MYPN: variants seen among roughly 807,000 people sequenced by gnomAD.
The protein encoded by MYPN is sarcomeric protein myopalladin, 145 kDa (MYOP).
MYPN carries 63 observed loss-of-function variants against 129.4 expected under a neutral mutation model. The observed-to-expected ratio is 0.49, with a 90% CI of 0.40 to 0.60. The LOEUF is 0.60. MYPN is among the 20% of genes least tolerant of loss of function. The pLI is 0.00. For synonymous variants in MYPN, 629 were observed against 600.9 expected (o/e 1.05, Z -0.68); for missense variants, 1,596 against 1,635.4 (o/e 0.98, Z 0.42).
chr10:68,142,639 G>A (rs974236256), intron 2 of MYPN, among the ~76,000 whole-genome samples: 2 of 152,172 alleles, frequency 1.3e-5, no homozygotes, highest in African/African-American at 2.4e-5. Flanking sequence ...TTTAGGAGAA[G>A]CCAAGTTCCA....
intron 12 of MYPN, among the ~76,000 whole-genome samples, chr10:68,187,370 A>G (rs1431913449): frequency 6.6e-6 from 1 of 151,830 alleles, no homozygotes; most frequent in Non-Finnish European, 1.5e-5. Flanking sequence ...GAAGTTTTAT[A>G]TAGTATACAA....
chr10:68,188,593 T>C (rs1049319550), intron 12 of MYPN, among the ~76,000 whole-genome samples: 1 of 152,176 alleles, frequency 6.6e-6, no homozygotes, highest in Non-Finnish European at 1.5e-5. Context: ...GTTTTCCATA[T>C]TGAAAGGAAC....
At chr10:68,106,791 A>T (rs1159854025), upstream of MYPN, 7 of 717,310 alleles carry the variant, frequency 9.8e-6, no homozygotes, top group Non-Finnish European at 1.6e-5. Flanking sequence ...ATTCCTGTGG[A>T]TCATCCCAAT....
upstream of MYPN, chr10:68,106,611 T>C (rs756309486): frequency 1.9e-5 from 13 of 701,382 alleles, no homozygotes; most frequent in South Asian, 7.5e-5. Flanking sequence ...GCAAAACTTA[T>C]TGAAGCTTTG....
Position 68,148,205 on chromosome 10 carries a change from C to T in MYPN, c.1131-148C>T, listed in dbSNP as rs1032336906. 4.4e-6 allele frequency: 3 copies of T among 685,758 alleles called. No individual in the cohort carries two copies. The Admixed American group carries it at 7.0e-5, about 16-fold the overall frequency. The allele number at this position is 685,758 out of a possible 1,614,324, so 42.5% of individuals were successfully genotyped here. On this transcript the variant is annotated intron_variant, in intron 4 of 19. Coordinates refer to ENST00000358913, the MANE Select transcript of MYPN (RefSeq NM_032578.4). ...CCTAACAAAATGTGTAGCAAAAATG[C>T]CCTTGGTCAACGTTTGTAAAATATC...
At chr10:68,199,637 A>T in intron 17 of MYPN, 62 bp downstream of exon 17, 4 of 1,524,132 alleles carry the variant, frequency 2.6e-6, no homozygotes, top group Non-Finnish European at 3.6e-6. Context: ...CCAAAGAGGC[A>T]GAGCCTCTGC....
chr10:68,207,046 T>C, intron 19 of MYPN, 143 bp downstream of exon 19: 1 of 1,014,148 alleles, frequency 9.9e-7, no homozygotes, highest in Non-Finnish European at 1.5e-6. Context: ...TCACCTGAGG[T>C]CAGGAGTTCA....
intron 12 of MYPN, among the ~76,000 whole-genome samples, chr10:68,183,294 A>G (rs781037786): frequency 3.0e-4 from 46 of 151,958 alleles, no homozygotes; most frequent in Non-Finnish European, 6.5e-4. Flanking sequence ...AACCCCATCT[A>G]CAAAAAATAC....
At chr10:68,166,734 A>T in intron 10 of MYPN, 68 bp downstream of exon 10, 1 of 1,589,534 alleles carries the variant, frequency 6.3e-7, no homozygotes, top group Non-Finnish European at 8.6e-7. Flanking sequence ...TCTCCTTAAA[A>T]GTAATGGAAC....
chr10:68,187,306 C>CA (rs55727861), intron 12 of MYPN, among the ~76,000 whole-genome samples: 58,512 of 135,340 alleles, frequency 0.43, 12,362 homozygotes, highest in Non-Finnish European at 0.5. Flanking sequence ...GACTCCATCT[C>CA]AAAAAAAAAA....
exon 1 of MYPN, among the ~76,000 whole-genome samples, chr10:68,087,956 A>C (rs981638258): frequency 6.6e-6 from 1 of 152,174 alleles, no homozygotes; most frequent in Non-Finnish European, 1.5e-5. Context: ...GGAACTACCC[A>C]ATGTAGCCTT....
chr10:68,122,056 AG>A lies in MYPN; in HGVS notation c.619del (p.Glu207LysfsTer18), dbSNP rs767033637. On this transcript the variant is annotated frameshift_variant, in exon 2 of 20. Coordinates refer to ENST00000358913, the MANE Select transcript of MYPN (RefSeq NM_032578.4). LOFTEE classifies it high-confidence loss of function. The part of the protein sequence containing the change: ...SSFSDLSERR[E>X]RSSVPIPIPA... ...GTTTCTCAGATCTGTCAGAAAGACG[AG>A]AAAGATCTTCTGTTCCCATCCCTAT... 1 of 1,614,218 alleles carries A rather than the reference AG, an allele frequency of 6.2e-7. No homozygotes were observed.
At chr10:68,106,492 A>G (rs1163782361), upstream of MYPN, 8 of 558,230 alleles carry the variant, frequency 1.4e-5, no homozygotes, top group Non-Finnish European at 2.6e-5. Flanking sequence ...CTCATTAAAA[A>G]TGGCTAAAAA....
At chr10:68,185,053 C>T (rs139546164) in intron 12 of MYPN, among the ~76,000 whole-genome samples, 192 of 151,816 alleles carry the variant, frequency 1.3e-3, no homozygotes, top group African/African-American at 4.5e-3. Flanking sequence ...GCCTGTAATC[C>T]CAACACTTTG....
chr10:68,165,266 A>G (rs1589576628), intron 8 of MYPN, among the ~76,000 whole-genome samples: 2 of 152,352 alleles, frequency 1.3e-5, no homozygotes, highest in South Asian at 4.1e-4. Context: ...CAGTCTGCCA[A>G]CATGGCAAAA....
intron 2 of MYPN, among the ~76,000 whole-genome samples, chr10:68,138,508 T>C (rs2042523415): frequency 6.6e-6 from 1 of 152,158 alleles, no homozygotes; most frequent in African/African-American, 2.4e-5. Flanking sequence ...TAATTTGTGT[T>C]GCTAAAGCAC....
At chr10:68,157,083 T>C (rs558049336) in intron 6 of MYPN, among the ~76,000 whole-genome samples, 1 of 152,342 alleles carries the variant, frequency 6.6e-6, no homozygotes, top group South Asian at 2.1e-4. Context: ...TTTATTATCT[T>C]CTAGAGTCTA....
chr10:68,141,818 T>C (rs1215524634), intron 2 of MYPN, among the ~76,000 whole-genome samples: 1 of 152,222 alleles, frequency 6.6e-6, no homozygotes, highest in East Asian at 1.9e-4. Context: ...CCATTTCTTA[T>C]ACAAGGCTAG....
chr10:68,195,330 C>T, intron 14 of MYPN, 120 bp from the exon 15 acceptor site: 1 of 780,496 alleles, frequency 1.3e-6, no homozygotes, highest in South Asian at 1.4e-5. Context: ...TATTTCTCTC[C>T]CCCAAAGAAA....
Sources: gnomAD v4.1 joint callset for allele counts (sites outside exome capture counted in the v4.1 genomes callset) on GRCh38, gnomAD v4.1.1 for gene constraint, MANE v1.5 for transcripts, NCBI Gene and HGNC (gene_info 2026-07-23, HGNC 2026-07-21) for gene names.